The following SMG6 variants were observed in gnomAD, a reference collection of about 807,000 sequenced individuals.
The protein encoded by SMG6 is SMG6 nonsense mediated mRNA decay factor.
A neutral mutation model predicts 142.2 loss-of-function variants in SMG6; 66 were observed. The observed-to-expected ratio is 0.46, with a 90% CI of 0.38 to 0.57. The LOEUF (loss-of-function observed/expected upper bound fraction) is 0.57. SMG6 is among the 20% of genes least tolerant of loss of function. The pLI is 0.00. For missense variants in SMG6, 1,793 were observed against 1,832.0 expected (o/e 0.98, Z 0.39); for synonymous variants, 779 against 702.4 (o/e 1.11, Z -1.72).
chr17:2,084,647 C>CCGGG (rs897357260), intron 14 of SMG6, among the ~76,000 whole-genome samples: 1 of 152,218 alleles, frequency 6.6e-6, no homozygotes, highest in African/African-American at 2.4e-5. Flanking sequence ...CCCTGCTCTA[C>CCGGG]CGGGCGCTTG....
Position 2,300,666 on chromosome 17 carries a change from T to G in SMG6, c.89-2A>C. ...CCTCCTTTAATTCCTTCATGTTTTC[T>G]GTTATGTCGGGGAAAGAGTTTGGGA... On this transcript the variant is annotated splice_acceptor_variant, in intron 1 of 18. Transcript: ENST00000263073. LOFTEE classifies it high-confidence loss of function. 4 of 1,567,980 alleles carry G rather than the reference T, an allele frequency of 2.6e-6. No individual in the cohort carries two copies. The highest frequency in any genetic ancestry group is 3.4e-6 in the Non-Finnish European group (4 of 1,161,186).
chr17:2,176,943 T>G (rs181241913), intron 12 of SMG6, among the ~76,000 whole-genome samples: 1 of 152,338 alleles, frequency 6.6e-6, no homozygotes, highest in East Asian at 1.9e-4. Context: ...GTTTAATGTA[T>G]CTGTCAGTTT....
chr17:2,252,142 G>A lies in SMG6; in HGVS notation c.2662-7423C>T, dbSNP rs1398242114. Among the ~76,000 whole-genome samples, 9 of 148,776 alleles carry A rather than the reference G, an allele frequency of 6.0e-5. No individual in the cohort carries two copies. The East Asian group carries it at 6.1e-4, about 10-fold the overall frequency. ...AAAAGAAAAGAAGGAGGCCGGGCAC[G>A]GTGGCTCACGCCTGTAATCCCAGCA... On this transcript the variant is annotated intron_variant, in intron 8 of 18. Transcript: ENST00000263073.
At chr17:2,259,046 C>A (rs1206916496) in intron 8 of SMG6, among the ~76,000 whole-genome samples, 1 of 152,048 alleles carries the variant, frequency 6.6e-6, no homozygotes, top group Non-Finnish European at 1.5e-5. Flanking sequence ...CCACTGCACT[C>A]CAGCCTGGGC....
chr17:2,153,731 G>A (rs111460735), intron 13 of SMG6, among the ~76,000 whole-genome samples: 3,647 of 132,126 alleles, frequency 0.028, 72 homozygotes, highest in Non-Finnish European at 0.044. Flanking sequence ...TGACGGTGAC[G>A]GGGGAACCTG....
chr17:2,087,376 G>C lies in SMG6; in HGVS notation c.3358-1475C>G, dbSNP rs548210295. 1.2e-4 allele frequency: 142 copies of C among 1,192,254 alleles called. 1 individual carries two copies. Among genetic ancestry groups the C allele is most frequent in the Non-Finnish European group, 1.4e-4 (129 of 942,984 alleles). 73.9% of individuals were successfully genotyped at this position (1,192,254 alleles called of 1,614,324 possible). ...AGTGCGGCACACACCGGTCAACTGT[G>C]TGCTCTGTGGCTGCATCCTCTGCCA... On this transcript the variant is annotated intron_variant, in intron 13 of 18. Transcript: ENST00000263073.
At chr17:2,067,211 C>G (rs1252151423) in intron 16 of SMG6, among the ~76,000 whole-genome samples, 1 of 152,184 alleles carries the variant, frequency 6.6e-6, no homozygotes, top group East Asian at 1.9e-4. Context: ...GCTCCCTCCC[C>G]ACCGAATCCG....
chr17:2,295,358 C>T (rs182406995), intron 4 of SMG6, among the ~76,000 whole-genome samples: 120 of 152,152 alleles, frequency 7.9e-4, no homozygotes, highest in African/African-American at 2.9e-3. Context: ...ACAAAAAAAA[C>T]GAAAAACAAA....
Position 2,230,219 on chromosome 17 carries a change from AAAG to A in SMG6, c.2869+6270_2869+6272del, listed in dbSNP as rs1465361450. On this transcript the variant is annotated intron_variant, in intron 10 of 18. Transcript: ENST00000263073. ...AAAAAAAAAAAAAAAAAAAAAAAAA[AAAG>A]GAAAAGAAAGGAAAAGAAAAGTGTC... 3.9e-3 allele frequency among the ~76,000 whole-genome samples: 195 copies of A among 50,270 alleles called. 57 individuals are homozygous for A. Among genetic ancestry groups the A allele is most frequent in the Non-Finnish European group, 4.6e-3 (119 of 25,696 alleles). 33.0% of individuals were successfully genotyped at this position (50,270 alleles called of 152,430 possible).
chr17:2,148,265 T>A (rs2070727743), intron 13 of SMG6, among the ~76,000 whole-genome samples: 1 of 152,348 alleles, frequency 6.6e-6, no homozygotes, highest in South Asian at 2.1e-4. Flanking sequence ...ACTTTCTACT[T>A]CTGGGTATAC....
chr17:2,223,663 A>G (rs1044231368), intron 10 of SMG6, among the ~76,000 whole-genome samples: 4 of 152,142 alleles, frequency 2.6e-5, no homozygotes, highest in African/African-American at 9.7e-5. Context: ...GGCTCCTATC[A>G]CTTCAGCTGC....
chr17:2,303,572 G>A, intron 1 of SMG6, 61 bp downstream of exon 1: 7 of 1,360,240 alleles, frequency 5.1e-6, no homozygotes, highest in Admixed American at 3.7e-5. Flanking sequence ...AGGAGGCAGA[G>A]GAGGAGGAGA....
At chr17:2,207,817 AC>A (rs2072733437) in intron 10 of SMG6, among the ~76,000 whole-genome samples, 1 of 152,074 alleles carries the variant, frequency 6.6e-6, no homozygotes, top group Non-Finnish European at 1.5e-5. Context: ...GGGATTAGCA[AC>A]CCCCTGCCAA....
intron 10 of SMG6, among the ~76,000 whole-genome samples, chr17:2,217,996 C>T (rs148008355): frequency 2.7e-5 from 4 of 150,366 alleles, no homozygotes; most frequent in South Asian, 2.1e-4. Context: ...GGCGACACAG[C>T]GAGACTCGGT....
intron 10 of SMG6, among the ~76,000 whole-genome samples, chr17:2,189,797 G>C (rs549710708): frequency 2.6e-5 from 4 of 151,856 alleles, no homozygotes; most frequent in African/African-American, 9.7e-5. Context: ...AGTACTGGGT[G>C]TAAGAAGGAG....
At chr17:2,249,958 T>C (rs2074011383) in intron 8 of SMG6, among the ~76,000 whole-genome samples, 1 of 152,208 alleles carries the variant, frequency 6.6e-6, no homozygotes, top group African/African-American at 2.4e-5. Flanking sequence ...AAGTAAAATG[T>C]TTTGGATTGT....
Position 2,134,963 on chromosome 17 carries a change from T to C in SMG6, c.3357+37695A>G, listed in dbSNP as rs563875589. Among the ~76,000 whole-genome samples the C allele has an allele frequency of 4.6e-5, 7 of 152,268 alleles. No individual in the cohort carries two copies. In the East Asian group the frequency reaches 1.3e-3, roughly 29 times the overall value. On this transcript the variant is annotated intron_variant, in intron 13 of 18. Transcript: ENST00000263073. ...GGCACGAACTCGGCTCATTGCAACT[T>C]CTGCCTCCTGGGTTCAAGTGATTCT... is the stretch of plus-strand genomic sequence containing the variant.
At chr17:2,247,841 C>T (rs753412188) in intron 8 of SMG6, among the ~76,000 whole-genome samples, 3 of 151,594 alleles carry the variant, frequency 2.0e-5, no homozygotes, top group Admixed American at 6.6e-5. Context: ...CGCCTGTAGT[C>T]CCAGCACTTT....
chr17:2,243,056 G>A (rs911598980), intron 9 of SMG6, among the ~76,000 whole-genome samples: 10 of 152,194 alleles, frequency 6.6e-5, no homozygotes, highest in East Asian at 1.9e-4. Flanking sequence ...GTGGCAGGAC[G>A]GGGGAGGTGG....
Sources: gnomAD v4.1 joint callset for allele counts (sites outside exome capture counted in the v4.1 genomes callset) on GRCh38, gnomAD v4.1.1 for gene constraint, MANE v1.5 for transcripts, NCBI Gene and HGNC (gene_info 2026-07-23, HGNC 2026-07-21) for gene names.